CNTN5: variants seen among roughly 807,000 people sequenced by gnomAD.
The protein encoded by CNTN5 is contactin-5.
Under a neutral mutation model 129.1 loss-of-function variants are expected in CNTN5, and 77 were observed. The observed-to-expected ratio is 0.60, with a 90% confidence interval of 0.50 to 0.72. The LOEUF is 0.72. Among genes scored for constraint, CNTN5 ranks in the 30% least tolerant of loss-of-function variants. The pLI, the probability that CNTN5 is intolerant of heterozygous loss-of-function variation, is 0.00. For synonymous variants in CNTN5, 509 were observed against 465.6 expected (o/e 1.09, Z -1.20); for missense variants, 1,478 against 1,328.8 (o/e 1.11, Z -1.75).
At chr11:99,541,976 A>G (rs934040010) in intron 2 of CNTN5, among the ~76,000 whole-genome samples, 122 of 118,926 alleles carry the variant, frequency 1.0e-3, no homozygotes, top group African/African-American at 3.7e-3. Context: ...AAAAAAAAAA[A>G]AAAGAAAAGA....
At chr11:99,899,209 C>A (rs1196418437) in intron 6 of CNTN5, among the ~76,000 whole-genome samples, 1 of 151,926 alleles carries the variant, frequency 6.6e-6, no homozygotes, top group Non-Finnish European at 1.5e-5. Flanking sequence ...AATTTGGATG[C>A]CTTTTATTTC....
intron 8 of CNTN5, among the ~76,000 whole-genome samples, chr11:99,993,170 G>T (rs1317178025): frequency 1.3e-5 from 2 of 152,138 alleles, no homozygotes; most frequent in Non-Finnish European, 2.9e-5. Context: ...AAACCATGTA[G>T]CCAAGTCAGA....
chr11:99,535,290 G>A (rs1009995547), intron 2 of CNTN5, among the ~76,000 whole-genome samples: 1 of 152,158 alleles, frequency 6.6e-6, no homozygotes, highest in African/African-American at 2.4e-5. Flanking sequence ...TGGAATGATG[G>A]ACTAATACAT....
chr11:99,812,578 T>A (rs1222524211), intron 3 of CNTN5, among the ~76,000 whole-genome samples: 1 of 152,182 alleles, frequency 6.6e-6, no homozygotes, highest in African/African-American at 2.4e-5. Context: ...CCTGTTGTTA[T>A]CCTCAATCTA....
At chr11:99,759,740 A>AGAGG (rs893535628) in intron 3 of CNTN5, among the ~76,000 whole-genome samples, 3 of 151,486 alleles carry the variant, frequency 2.0e-5, no homozygotes, top group African/African-American at 7.3e-5. Flanking sequence ...AGAGAGAAGG[A>AGAGG]GAGGGAGGGA....
intron 4 of CNTN5, among the ~76,000 whole-genome samples, chr11:99,837,426 C>G (rs888097456): frequency 9.2e-5 from 14 of 152,122 alleles, no homozygotes; most frequent in African/African-American, 3.4e-4. Flanking sequence ...TTCAGTTGAT[C>G]TAATATCTTT....
chr11:99,980,362 C>A (rs1180603984), intron 8 of CNTN5, among the ~76,000 whole-genome samples: 2 of 152,172 alleles, frequency 1.3e-5, no homozygotes. Context: ...GTGAAACCAG[C>A]AAATTTGTTG....
At chr11:99,688,746 G>T (rs1591481885) in intron 3 of CNTN5, among the ~76,000 whole-genome samples, 1 of 152,024 alleles carries the variant, frequency 6.6e-6, no homozygotes, top group African/African-American at 2.4e-5. Flanking sequence ...TCTTCTTGAT[G>T]CTCTCCCTTC....
At chr11:99,077,368 T>C (rs1865621046) in intron 1 of CNTN5, among the ~76,000 whole-genome samples, 1 of 152,168 alleles carries the variant, frequency 6.6e-6, no homozygotes, top group South Asian at 2.1e-4. Context: ...CTGAGGATAT[T>C]TAATAGCTCC....
In CNTN5 at chr11:99,400,733, C is replaced by T. The variant is rs2136210387; in HGVS notation, c.-71+75249C>T. ...GGTTGCCTTTTCTCCACATCCTCAC[C>T]AGCATTTGTTACTGCCTGTCTTTTG... On this transcript the variant is annotated intron_variant, in intron 2 of 24. Coordinates refer to ENST00000524871, the MANE Select transcript of CNTN5 (RefSeq NM_014361.4). Among the ~76,000 whole-genome samples, 3 of 152,246 alleles carry T rather than the reference C, an allele frequency of 2.0e-5. 1 individual carries two copies. Among genetic ancestry groups the T allele is most frequent in the Middle Eastern group, 3.4e-3 (1 of 294 alleles).
Position 99,819,593 on chromosome 11 carries a change from A to T in CNTN5, c.105A>T (p.Leu35Phe). The T allele has an allele frequency of 6.2e-7, 1 of 1,612,926 alleles. No individual in the cohort carries two copies. ...TCTCCACTTCATATGCTGCTTTGTT[A>T]AGAATTAAGAAGAGTTCATCTTCAT... ...PGLSTSYAAL[L>F]RIKKSSSSSL... is the part of the protein sequence containing the mutation. The change falls in exon 4 of 25, where the codon TTA (leucine) becomes TTT (phenylalanine). Residue 35 changes from leucine to phenylalanine, a missense_variant. Transcript: ENST00000524871.
chr11:99,381,174 A>C (rs1223736898), intron 2 of CNTN5, among the ~76,000 whole-genome samples: 1 of 151,836 alleles, frequency 6.6e-6, no homozygotes, highest in Non-Finnish European at 1.5e-5. Flanking sequence ...AAAAAAACAA[A>C]CCAAATTTCT....
intron 6 of CNTN5, among the ~76,000 whole-genome samples, chr11:99,862,366 G>GT (rs1948233908): frequency 6.6e-6 from 1 of 151,332 alleles, no homozygotes; most frequent in South Asian, 2.1e-4. Flanking sequence ...TATAACAGAT[G>GT]TTTTTTTTCC....
At chr11:99,519,944 G>C (rs2515383) in intron 2 of CNTN5, among the ~76,000 whole-genome samples, 150,736 of 152,148 alleles carry the variant, frequency 0.99, 74,691 homozygotes, top group East Asian at 1. Context: ...ATAATTTACT[G>C]TATTTTTCTT....
At chr11:99,752,506 G>A (rs896242892) in intron 3 of CNTN5, among the ~76,000 whole-genome samples, 4 of 152,176 alleles carry the variant, frequency 2.6e-5, no homozygotes, top group African/African-American at 9.7e-5. Flanking sequence ...ATTATTTAAA[G>A]AGGAAAATAA....
rs1949072073 is a variant in CNTN5 at position 99,891,965 on chromosome 11, T to A, written c.578-24089T>A. ...CCCAACAACAGTGTAAAAGCATTTC[T>A]ATCTCTCCACATCCTCTCCAGCATC... On this transcript the variant is annotated intron_variant, in intron 6 of 24. Transcript: ENST00000524871. Among the ~76,000 whole-genome samples the A allele has an allele frequency of 3.3e-5, 5 of 152,324 alleles. No individual in the cohort carries two copies. In the East Asian group the frequency reaches 5.8e-4, roughly 18 times the overall value.
At chr11:99,706,289 G>C (rs1290026795) in intron 3 of CNTN5, among the ~76,000 whole-genome samples, 1 of 151,280 alleles carries the variant, frequency 6.6e-6, no homozygotes, top group Non-Finnish European at 1.5e-5. Context: ...TTTATAAAAG[G>C]CACACTTTTA....
At chr11:99,760,836 C>T (rs572260761) in intron 3 of CNTN5, among the ~76,000 whole-genome samples, 8 of 152,198 alleles carry the variant, frequency 5.3e-5, no homozygotes, top group African/African-American at 1.9e-4. Flanking sequence ...TTATTACACA[C>T]ACACACAGAG....
intron 1 of CNTN5, among the ~76,000 whole-genome samples, chr11:99,295,193 A>G (rs1864332133): frequency 6.6e-6 from 1 of 152,156 alleles, no homozygotes; most frequent in Non-Finnish European, 1.5e-5. Flanking sequence ...AAACCGAACC[A>G]CCAAAAAACA....
Sources: allele counts gnomAD v4.1 joint callset (sites outside exome capture counted in the v4.1 genomes callset), GRCh38; gene constraint gnomAD v4.1.1; transcripts MANE v1.5; gene names NCBI Gene and HGNC (gene_info 2026-07-23, HGNC 2026-07-21).